ANK2: variants seen among roughly 807,000 people sequenced by gnomAD.
ANK2 encodes ankyrin 2, also known as ankyrin-2.
ANK2 carries 83 observed loss-of-function variants against 360.5 expected under a neutral mutation model. That is an observed-to-expected ratio of 0.23 (90% CI 0.19 to 0.28). The LOEUF (loss-of-function observed/expected upper bound fraction) is 0.28. Among genes scored for constraint, ANK2 ranks in the 10% least tolerant of loss-of-function variants. The pLI is 1.00. For missense variants in ANK2, 4,201 were observed against 4,795.7 expected (o/e 0.88, Z 3.66); for synonymous variants, 1,740 against 1,759.5 (o/e 0.99, Z 0.28).
chr4:113,360,819 C>T lies in ANK2; in HGVS notation c.10682-4C>T. 1 of 1,612,022 alleles carries T rather than the reference C, an allele frequency of 6.2e-7. No individual in the cohort carries two copies. Among genetic ancestry groups the T allele is most frequent in the East Asian group, 2.2e-5 (1 of 44,744 alleles). ...TTGGCCATTCTGTTTTTGACCTTCT[C>T]CAGATCCACAGGATGAGCAGGAACG... On this transcript the variant is annotated splice_region_variant and splice_polypyrimidine_tract_variant and intron_variant, in intron 38 of 45. Coordinates refer to ENST00000357077, the MANE Select transcript of ANK2 (RefSeq NM_001148.6).
chr4:113,251,427 G>A (rs2153608507), intron 10 of ANK2, among the ~76,000 whole-genome samples: 1 of 150,926 alleles, frequency 6.6e-6, no homozygotes, highest in South Asian at 2.1e-4. Context: ...AATTTGCCAG[G>A]CAAGTGTTCT....
At chr4:113,098,912 A>T (rs111550021) in intron 1 of ANK2, among the ~76,000 whole-genome samples, 15 of 152,092 alleles carry the variant, frequency 9.9e-5, no homozygotes, top group African/African-American at 3.4e-4. Flanking sequence ...GTATGATCAT[A>T]TAAGTGAAGG....
intron 21 of ANK2, among the ~76,000 whole-genome samples, chr4:113,292,780 T>A (rs1276610724): frequency 1.3e-5 from 2 of 152,122 alleles, no homozygotes; most frequent in African/African-American, 2.4e-5. Context: ...TGGAACGTGC[T>A]CTGCTTACAG....
chr4:112,911,796 A>T (rs905366489), intron 2 of ANK2, among the ~76,000 whole-genome samples: 2 of 152,226 alleles, frequency 1.3e-5, no homozygotes, highest in African/African-American at 4.8e-5. Flanking sequence ...TAGCTAGAAA[A>T]ATAGTTTAAG....
chr4:112,960,071 T>A (rs1581981900), intron 2 of ANK2, among the ~76,000 whole-genome samples: 1 of 152,252 alleles, frequency 6.6e-6, no homozygotes, highest in East Asian at 1.9e-4. Context: ...TTATTTAAAA[T>A]AGCCAAGGTA....
chr4:113,365,273 C>CTTTT, intron 41 of ANK2, 91 bp downstream of exon 41: 1 of 1,064,468 alleles, frequency 9.4e-7, no homozygotes, highest in Non-Finnish European at 1.3e-6. Flanking sequence ...GACCTACTGT[C>CTTTT]TTTTTTTTTT....
At position 113,345,938 on chromosome 4, in the gene ANK2, A is replaced by C. The variant is rs72556369; in HGVS notation, c.4287A>C (p.Ser1429=). The change falls in exon 35 of 46, where the codon TCA becomes TCC. Residue 1429 remains serine (S), a synonymous_variant. Coordinates refer to ENST00000357077, the MANE Select transcript of ANK2 (RefSeq NM_001148.6). The part of the protein sequence containing the change: ...DTTQEPCGRL[S]FMKEPKSTRG... ...CTCAGGAACCTTGCGGACGACTATCATTTATGAAGGAGCCAAAATCCACGA... is the reference window on the plus strand; with the variant it reads ...CTCAGGAACCTTGCGGACGACTATCCTTTATGAAGGAGCCAAAATCCACGA... 3.1e-6 allele frequency: 5 copies of C among 1,613,754 alleles called. No homozygotes were observed. Among genetic ancestry groups the C allele is most frequent in the Non-Finnish European group, 4.2e-6 (5 of 1,179,708 alleles).
At chr4:112,928,254 G>C (rs1255815852) in intron 2 of ANK2, among the ~76,000 whole-genome samples, 1 of 152,028 alleles carries the variant, frequency 6.6e-6, no homozygotes, top group Non-Finnish European at 1.5e-5. Flanking sequence ...ATACTTGCCA[G>C]AAGTGTCTTT....
intron 1 of ANK2, among the ~76,000 whole-genome samples, chr4:112,858,600 A>G (rs1284861551): frequency 6.6e-6 from 1 of 152,192 alleles, no homozygotes; most frequent in Non-Finnish European, 1.5e-5. Context: ...TGTTCTTCGC[A>G]TTCTTAGTTC....
chr4:113,313,314 TTAAGAA>T (rs1300096013), intron 24 of ANK2, among the ~76,000 whole-genome samples: 6 of 152,242 alleles, frequency 3.9e-5, no homozygotes, highest in Non-Finnish European at 7.3e-5. Context: ...GTCTCCCTTA[TTAAGAA>T]TAAGTACTTG....
At chr4:112,767,045 A>G in the ANK2 span, among the ~76,000 whole-genome samples, 7 of 152,222 alleles carry the variant, frequency 4.6e-5, no homozygotes, top group African/African-American at 1.4e-4. Context: ...AGTATTGCTC[A>G]TATATTTTGA....
At position 112,860,038 on chromosome 4, in the gene ANK2, C is replaced by T. The variant is rs979618517; in HGVS notation, c.-40+41774C>T. ...GTATGTACCAGCAAATCTGATAGCT[C>T]TAGTGAAAGGAGGATTCATACCATT... On this transcript the variant is annotated intron_variant, in intron 1 of 30. Transcript: ENST00000503271. 2.0e-5 allele frequency among the ~76,000 whole-genome samples: 3 copies of T among 152,038 alleles called. No individual in the cohort carries two copies. The East Asian group carries it at 5.8e-4, about 29-fold the overall frequency.
At chr4:112,991,615 C>CTT (rs1363502696) in intron 2 of ANK2, among the ~76,000 whole-genome samples, 4 of 80,656 alleles carry the variant, frequency 5.0e-5, no homozygotes, top group South Asian at 4.7e-4. Flanking sequence ...TCTTTTCTTT[C>CTT]TTTCTTTTTT....
At chr4:112,994,290 A>G (rs2047803534) in intron 2 of ANK2, among the ~76,000 whole-genome samples, 1 of 152,238 alleles carries the variant, frequency 6.6e-6, no homozygotes, top group Non-Finnish European at 1.5e-5. Flanking sequence ...ACATTTTTAC[A>G]GATTCTATAA....
intron 1 of ANK2, among the ~76,000 whole-genome samples, chr4:113,072,742 ATT>A (rs34098456): frequency 3.9e-4 from 29 of 74,212 alleles, no homozygotes; most frequent in African/African-American, 7.1e-4. Context: ...ACTTGGCATA[ATT>A]TTTTTTTTTT....
chr4:112,761,599 A>G, the ANK2 span, among the ~76,000 whole-genome samples: 109,953 of 152,054 alleles, frequency 0.72, 40,499 homozygotes, highest in East Asian at 0.97. Flanking sequence ...CAGCCTGGGC[A>G]ACACAGTGAG....
At chr4:113,047,412 A>G (rs1231593102), upstream of ANK2, among the ~76,000 whole-genome samples, 1 of 152,234 alleles carries the variant, frequency 6.6e-6, no homozygotes, top group Non-Finnish European at 1.5e-5. Flanking sequence ...AGTAGTTAGC[A>G]CAATGTGCCT....
At chr4:113,254,044 C>T (rs2047954362) in intron 10 of ANK2, among the ~76,000 whole-genome samples, 1 of 152,168 alleles carries the variant, frequency 6.6e-6, no homozygotes, top group African/African-American at 2.4e-5. Flanking sequence ...TTCTAAGCCT[C>T]AGGTGTTTTT....
At chr4:112,987,346 A>G (rs549895995) in intron 2 of ANK2, among the ~76,000 whole-genome samples, 1 of 152,246 alleles carries the variant, frequency 6.6e-6, no homozygotes, top group East Asian at 1.9e-4. Context: ...GATGTTCTCT[A>G]TACTCAGCCC....
Sources: allele counts gnomAD v4.1 joint callset (sites outside exome capture counted in the v4.1 genomes callset), GRCh38; gene constraint gnomAD v4.1.1; transcripts MANE v1.5; gene names NCBI Gene and HGNC (gene_info 2026-07-23, HGNC 2026-07-21).